Variants in SPRYD3 observed in about 807,000 individuals in gnomAD.
The protein encoded by SPRYD3 is SPRY domain containing 3, also known as SPRY domain-containing protein 3.
In SPRYD3, 17 loss-of-function variants were observed where a neutral mutation model predicts 50.1. That is an observed-to-expected ratio of 0.34 (90% CI 0.23 to 0.51). The LOEUF (loss-of-function observed/expected upper bound fraction) is 0.51, where lower values mean the gene tolerates loss of function less well. SPRYD3 is among the 20% of genes least tolerant of loss of function. The pLI, the probability that SPRYD3 is intolerant of heterozygous loss-of-function variation, is 0.97. For synonymous variants in SPRYD3, 198 were observed against 215.5 expected, an observed-to-expected ratio of 0.92 and a Z score of 0.71; for missense variants, 401 against 591.2, an observed-to-expected ratio of 0.68 and a Z score of 3.34.
chr12:53,067,621 A>T (rs1370007923), intron 8 of SPRYD3, 27 bp downstream of exon 8: 1 of 1,611,864 alleles, frequency 6.2e-7, no homozygotes, highest in Non-Finnish European at 8.5e-7. Context: ...CCACCATCCC[A>T]CCTTTCCCAG....
rs1038337676 is a variant in SPRYD3, at chr12:53,065,197, G to C, written c.*635C>G. On this transcript the variant is annotated 3_prime_UTR_variant, in exon 11 of 11. Transcript: ENST00000301463. ...CCACCCATGTGGGTCCAGGTATGGG[G>C]AGCCAGAGACCTAGATCCTCTGTGG... The C allele has an allele frequency of 6.6e-6, 1 of 152,538 alleles. No homozygotes were observed. Among genetic ancestry groups the C allele is most frequent in the African/African-American group, 2.4e-5 (1 of 41,454 alleles). 9.4% of individuals were successfully genotyped at this position (152,538 alleles called of 1,614,324 possible). A position where few individuals can be genotyped will look rare whatever the true frequency, so the allele number is the denominator to read the frequency against.
rs767166785 is a variant in SPRYD3, at chr12:53,066,305, C to T, written c.1194+9G>A. 6.2e-6 allele frequency: 10 copies of T among 1,612,500 alleles called. No homozygotes were observed. Among genetic ancestry groups the T allele is most frequent in the Admixed American group, 3.3e-5 (2 of 59,996 alleles). ...AACCCTGGTCCCACCTCAAACTCTC[C>T]GTACTCACCACCACCTTCCTGCCCT... On this transcript the variant is annotated intron_variant, in intron 10 of 10. Transcript: ENST00000301463.
intron 8 of SPRYD3, 94 bp downstream of exon 8, chr12:53,067,554 G>T: frequency 1.6e-6 from 2 of 1,226,218 alleles, no homozygotes; most frequent in South Asian, 1.2e-5. Flanking sequence ...AAACAGCAAG[G>T]CCATTTGTGA....
chr12:53,075,678 C>T, intron 3 of SPRYD3, 58 bp downstream of exon 3: 6 of 1,353,444 alleles, frequency 4.4e-6, no homozygotes, highest in Non-Finnish European at 6.4e-6. Flanking sequence ...CTTCTTGGGG[C>T]TTAATGATCT....
At position 53,079,176 on chromosome 12, in the gene SPRYD3, A is replaced by G. The variant is rs113956358; in HGVS notation, c.23+135T>C. 285 of 936,678 alleles carry G rather than the reference A, an allele frequency of 3.0e-4. 4 individuals carry two copies. The highest frequency in any genetic ancestry group is 2.7e-3 in the Middle Eastern group (8 of 3,000). The allele number at this position is 936,678 out of a possible 1,614,324, so 58.0% of individuals were successfully genotyped here. A position where few individuals can be genotyped will look rare whatever the true frequency, so the allele number is the denominator to read the frequency against. On this transcript the variant is annotated intron_variant, in intron 1 of 10. Coordinates refer to ENST00000301463, the MANE Select transcript of SPRYD3 (RefSeq NM_032840.3). ...CCCTGCACTGGGCCGAGGGTGCAGC[A>G]ACAGAAGAAGCCCAGTGACCAGAGC...
At position 53,065,793 on chromosome 12, in the gene SPRYD3, G is replaced by C; in HGVS notation, c.*39C>G. On this transcript the variant is annotated 3_prime_UTR_variant, in exon 11 of 11. Transcript: ENST00000301463. The stretch of plus-strand genomic sequence containing the variant: ...GGAACTGGGTGCCTGGCCCAGCAGA[G>C]GGTGAGCAGGGAGAAGGAGCAGGTC... The C allele has an allele frequency of 3.1e-6, 5 of 1,591,976 alleles. No individual in the cohort carries two copies. Among genetic ancestry groups the C allele is most frequent in the Non-Finnish European group, 4.3e-6 (5 of 1,165,710 alleles).
At chr12:53,072,018 T>C (rs1467476172) in intron 6 of SPRYD3, among the ~76,000 whole-genome samples, 1 of 152,136 alleles carries the variant, frequency 6.6e-6, no homozygotes, top group Non-Finnish European at 1.5e-5. Context: ...TTAGAAAAGA[T>C]TGCCTGGGAG....
Position 53,068,338 on chromosome 12 carries a change from C to G in SPRYD3, c.694-34G>C, listed in dbSNP as rs550034870. The G allele has an allele frequency of 4.4e-6, 7 of 1,608,794 alleles. No individual in the cohort carries two copies. The South Asian group carries it at 7.7e-5, about 18-fold the overall frequency. On this transcript the variant is annotated intron_variant, in intron 6 of 10. Coordinates refer to ENST00000301463, the MANE Select transcript of SPRYD3 (RefSeq NM_032840.3). ...GAAGAGCCAGATGGGGGTCAGGGGA[C>G]AGGCTGACACCCACCCTGGAAACCT... is the stretch of plus-strand genomic sequence containing the variant.
intron 6 of SPRYD3, among the ~76,000 whole-genome samples, chr12:53,068,612 T>C (rs1565617058): frequency 6.6e-6 from 1 of 152,046 alleles, no homozygotes; most frequent in Non-Finnish European, 1.5e-5. Flanking sequence ...TCTAGATGCA[T>C]CCTCGCCCGC....
intron 7 of SPRYD3, 36 bp from the exon 8 acceptor site, chr12:53,067,741 A>G (rs1391063781): frequency 3.1e-6 from 5 of 1,589,640 alleles, no homozygotes; most frequent in Non-Finnish European, 4.3e-6. Context: ...CTATGGTCCC[A>G]TGCATAAACA....
At chr12:53,067,412 C>T (rs1311065522) in intron 8 of SPRYD3, among the ~76,000 whole-genome samples, 1 of 152,160 alleles carries the variant, frequency 6.6e-6, no homozygotes, top group African/African-American at 2.4e-5. Context: ...AGCTCAGAGG[C>T]CTGGAATGTC....
chr12:53,069,900 A>G (rs1263473097), intron 6 of SPRYD3, among the ~76,000 whole-genome samples: 2 of 151,888 alleles, frequency 1.3e-5, no homozygotes, highest in Admixed American at 6.5e-5. Context: ...ATTCTATCCA[A>G]CTGGCCTCGG....
At chr12:53,067,787 T>C (rs1223230362) in intron 7 of SPRYD3, 82 bp from the exon 8 acceptor site, 1 of 1,318,312 alleles carries the variant, frequency 7.6e-7, no homozygotes, top group Non-Finnish European at 1.1e-6. Context: ...TCTGAACCTC[T>C]GGGACAGACC....
intron 2 of SPRYD3, among the ~76,000 whole-genome samples, chr12:53,076,848 C>A (rs1944592185): frequency 6.6e-6 from 1 of 152,008 alleles, no homozygotes; most frequent in Non-Finnish European, 1.5e-5. Context: ...ACTTGGGAAG[C>A]TGAGGCAGGA....
At position 53,064,363 on chromosome 12, in the gene SPRYD3, A is replaced by G. The variant is rs541035420; in HGVS notation, c.*1469T>C. ...TTTTGTCTAATAATAAAGAATTTCT[A>G]TAAACTTTAGCCGAAATTGGAGTCA... On this transcript the variant is annotated 3_prime_UTR_variant, in exon 11 of 11. Coordinates refer to ENST00000301463, the MANE Select transcript of SPRYD3 (RefSeq NM_032840.3). 4.2e-4 allele frequency: 66 copies of G among 156,780 alleles called. No homozygotes were observed. The highest frequency in any genetic ancestry group is 1.6e-3 in the African/African-American group (65 of 41,620). 9.7% of individuals were successfully genotyped at this position (156,780 alleles called of 1,614,324 possible). A position where few individuals can be genotyped will look rare whatever the true frequency, so the allele number is the denominator to read the frequency against.
chr12:53,074,877 C>T lies in SPRYD3; in HGVS notation c.372-93G>A. The T allele has an allele frequency of 2.0e-6, 3 of 1,507,154 alleles. No individual in the cohort carries two copies. The highest frequency in any genetic ancestry group is 2.7e-6 in the Non-Finnish European group (3 of 1,094,510). The allele number at this position is 1,507,154 out of a possible 1,614,324, so 93.4% of individuals were successfully genotyped here. ...CAGAGGCCTCATCCTCATCTTGCTG[C>T]TCCTGGTCATTCTGTGATGGTACCC... On this transcript the variant is annotated intron_variant, in intron 4 of 10. Transcript: ENST00000301463. The surrounding 1 kb of genome is among the most constrained non-coding windows in gnomAD (Gnocchi z 4.6).
chr12:53,071,230 G>T (rs1353726714), intron 6 of SPRYD3, among the ~76,000 whole-genome samples: 1 of 152,192 alleles, frequency 6.6e-6, no homozygotes, highest in Non-Finnish European at 1.5e-5. Context: ...CTGGGTCTGG[G>T]GAGGACCCCT....
intron 6 of SPRYD3, 29 bp downstream of exon 6, chr12:53,073,257 C>CCCCCGGGGGGGGGGGGGGGGGGG: frequency 8.2e-6 from 3 of 363,996 alleles, no homozygotes; most frequent in East Asian, 4.4e-5. Flanking sequence ...TCCGACCCAG[C>CCCCCGGGGGGGGGGGGGGGGGGG]CCCTCCCACC....
intron 1 of SPRYD3, 65 bp from the exon 2 acceptor site, chr12:53,077,326 G>T: frequency 1.3e-6 from 2 of 1,578,810 alleles, no homozygotes; most frequent in Non-Finnish European, 8.6e-7. Context: ...CAGCCTCTGT[G>T]ACCCAGAAGG....
Sources: allele counts gnomAD v4.1 joint callset (sites outside exome capture counted in the v4.1 genomes callset), GRCh38; gene constraint gnomAD v4.1.1; non-coding constraint Gnocchi (gnomAD v3.1); transcripts MANE v1.5; gene names NCBI Gene and HGNC (gene_info 2026-07-23, HGNC 2026-07-21).